Variants in SFMBT2 observed in about 807,000 individuals in gnomAD.
The protein encoded by SFMBT2 is Scm like with four mbt domains 2.
Under a neutral mutation model 110.1 loss-of-function variants are expected in SFMBT2, and 38 were observed. That is an observed-to-expected ratio of 0.35 (90% confidence interval 0.27 to 0.45). The LOEUF is 0.45. SFMBT2 is among the 20% of genes least tolerant of loss of function. SFMBT2 has a pLI of 1.00. For missense variants in SFMBT2, 1,011 were observed against 1,094.9 expected (o/e 0.92, Z 1.08); for synonymous variants, 425 against 425.4 (o/e 1.00, Z 0.01).
At chr10:7,165,001 C>T (rs972305048) in intron 20 of SFMBT2, among the ~76,000 whole-genome samples, 1 of 152,184 alleles carries the variant, frequency 6.6e-6, no homozygotes, top group Non-Finnish European at 1.5e-5. Flanking sequence ...TCTGTCTCTT[C>T]AGCAGCTTGC....
chr10:7,327,542 G>A (rs1320073067), intron 4 of SFMBT2, among the ~76,000 whole-genome samples: 2 of 152,104 alleles, frequency 1.3e-5, no homozygotes, highest in Non-Finnish European at 2.9e-5. Context: ...TTAGCTGGGT[G>A]TGGTAGCGTG....
chr10:7,218,899 A>G (rs1839630658), intron 11 of SFMBT2, among the ~76,000 whole-genome samples: 1 of 152,084 alleles, frequency 6.6e-6, no homozygotes, highest in Non-Finnish European at 1.5e-5. Context: ...AAATCAGGAC[A>G]CTCTTACTGC....
At chr10:7,377,228 T>G (rs1845259696) in intron 2 of SFMBT2, among the ~76,000 whole-genome samples, 1 of 151,764 alleles carries the variant, frequency 6.6e-6, no homozygotes, top group Non-Finnish European at 1.5e-5. Flanking sequence ...TGATTTTCCT[T>G]TCTTCGATCC....
chr10:7,293,666 C>G lies in SFMBT2; in HGVS notation c.437-7712G>C, dbSNP rs1842323116. On this transcript the variant is annotated intron_variant, in intron 4 of 20. Coordinates refer to ENST00000397167, the MANE Select transcript of SFMBT2 (RefSeq NM_001387889.1). The surrounding 1 kb of genome is among the most constrained non-coding windows in gnomAD (Gnocchi z 4.6). ...ATAAAGAGACCCAAAAACACAGCCA[C>G]AGAGGTGCAAGCACAGTCAAAGTTC... is the stretch of plus-strand genomic sequence containing the variant. 6.6e-6 allele frequency among the ~76,000 whole-genome samples: 1 copy of G among 152,182 alleles called. No homozygotes were observed. The highest frequency in any genetic ancestry group is 2.1e-4 in the South Asian group (1 of 4,820).
intron 11 of SFMBT2, chr10:7,214,763 T>C (rs1839477105): frequency 3.0e-6 from 3 of 985,424 alleles, no homozygotes; most frequent in Non-Finnish European, 3.6e-6. Flanking sequence ...TTGATACCTG[T>C]AGGGTGTGTT....
At chr10:7,323,878 G>T (rs1429099899) in intron 4 of SFMBT2, among the ~76,000 whole-genome samples, 1 of 152,138 alleles carries the variant, frequency 6.6e-6, no homozygotes, top group East Asian at 1.9e-4. Context: ...AGATGATAGA[G>T]TTATAGAGAC....
chr10:7,325,739 C>G (rs576924231), intron 4 of SFMBT2, among the ~76,000 whole-genome samples: 3 of 152,130 alleles, frequency 2.0e-5, no homozygotes, highest in South Asian at 4.1e-4. Context: ...GGGGATCTGA[C>G]AGAAGATAGT....
intron 11 of SFMBT2, among the ~76,000 whole-genome samples, chr10:7,209,630 T>C (rs1371491206): frequency 6.6e-6 from 1 of 152,226 alleles, no homozygotes; most frequent in African/African-American, 2.4e-5. Context: ...CAGAACACTG[T>C]GCATATATAG....
intron 16 of SFMBT2, among the ~76,000 whole-genome samples, chr10:7,179,167 C>T (rs978378794): frequency 4.0e-5 from 6 of 151,886 alleles, no homozygotes; most frequent in Non-Finnish European, 8.8e-5. Flanking sequence ...TGTTTTTCTT[C>T]AGTTTCTCTG....
At chr10:7,238,192 C>T (rs554671860) in intron 9 of SFMBT2, among the ~76,000 whole-genome samples, 1 of 152,230 alleles carries the variant, frequency 6.6e-6, no homozygotes, top group South Asian at 2.1e-4. Flanking sequence ...AAACAAGGGG[C>T]TGCTGCAGGA....
intron 2 of SFMBT2, among the ~76,000 whole-genome samples, chr10:7,372,534 A>C (rs928863028): frequency 3.9e-5 from 6 of 152,222 alleles, no homozygotes; most frequent in Non-Finnish European, 8.8e-5. Flanking sequence ...GCACTTCCTG[A>C]GAAAATAAGT....
chr10:7,368,776 T>C (rs1844984449), intron 3 of SFMBT2, among the ~76,000 whole-genome samples: 1 of 152,238 alleles, frequency 6.6e-6, no homozygotes, highest in Non-Finnish European at 1.5e-5. Context: ...CATCTTAAGA[T>C]ATAAATGTTA....
At chr10:7,232,774 A>C (rs1216935348) in intron 9 of SFMBT2, among the ~76,000 whole-genome samples, 2 of 152,212 alleles carry the variant, frequency 1.3e-5, no homozygotes, top group Non-Finnish European at 2.9e-5. Context: ...TTCATTAATA[A>C]AAAATTATTT....
intron 7 of SFMBT2, among the ~76,000 whole-genome samples, chr10:7,266,135 G>A (rs1841382874): frequency 6.6e-6 from 1 of 151,774 alleles, no homozygotes; most frequent in African/African-American, 2.4e-5. Context: ...TGTCACCCAG[G>A]CTGGAGTGCA....
At chr10:7,286,781 A>G (rs1842103599) in intron 4 of SFMBT2, among the ~76,000 whole-genome samples, 1 of 152,146 alleles carries the variant, frequency 6.6e-6, no homozygotes, top group South Asian at 2.1e-4. Flanking sequence ...ACAGATCTCA[A>G]GGGACGACTG....
chr10:7,182,772 T>C (rs2131558990), intron 16 of SFMBT2, among the ~76,000 whole-genome samples: 1 of 150,514 alleles, frequency 6.6e-6, no homozygotes, highest in African/African-American at 2.4e-5. Context: ...TGTTAAATGA[T>C]GAGTTAATGG....
chr10:7,189,037 A>G (rs1192868430), intron 15 of SFMBT2: 1 of 574,638 alleles, frequency 1.7e-6, no homozygotes, highest in Admixed American at 6.3e-5. Context: ...AACCATTTTC[A>G]CCAAAGAGCA....
chr10:7,349,365 AACACCCTGTGGGCAGG>A (rs1303902518), intron 4 of SFMBT2, among the ~76,000 whole-genome samples: 1 of 150,978 alleles, frequency 6.6e-6, no homozygotes, highest in Non-Finnish European at 1.5e-5. Flanking sequence ...AGGTGGACAG[AACACCCTGTGGGCAGG>A]ACAGGATGCA....
chr10:7,316,432 G>C (rs1218667714), intron 4 of SFMBT2, among the ~76,000 whole-genome samples: 1 of 152,176 alleles, frequency 6.6e-6, no homozygotes, highest in African/African-American at 2.4e-5. Flanking sequence ...AGCGCCAATG[G>C]GTCAGTGATG....
Sources: gnomAD v4.1 joint callset for allele counts (sites outside exome capture counted in the v4.1 genomes callset) on GRCh38, gnomAD v4.1.1 for gene constraint, Gnocchi (gnomAD v3.1) non-coding constraint, MANE v1.5 for transcripts, NCBI Gene and HGNC (gene_info 2026-07-23, HGNC 2026-07-21) for gene names.